The following EIF4G2 variants were observed in gnomAD, a reference collection of about 807,000 sequenced individuals.
EIF4G2 encodes the protein eukaryotic translation initiation factor 4 gamma 2, also known as DAP-5.
Under a neutral mutation model 117.7 loss-of-function variants are expected in EIF4G2, and 8 were observed. The ratio of observed to expected loss-of-function variants is 0.07; its 90% CI spans 0.04 to 0.12. The LOEUF is 0.12. EIF4G2 is among the 10% of genes least tolerant of loss of function. The pLI is 1.00. For synonymous variants in EIF4G2, 413 were observed against 367.8 expected (o/e 1.12, Z -1.41); for missense variants, 812 against 1,086.2 (o/e 0.75, Z 3.55).
chr11:10,808,185 G>A (rs963154863), intron 1 of EIF4G2: 66 of 1,117,738 alleles, frequency 5.9e-5, no homozygotes, highest in Non-Finnish European at 7.1e-5. Context: ...GCCTCGCCAC[G>A]GCCTCCTCTG....
rs1339629469 is a variant in EIF4G2 at position 10,803,448 on chromosome 11, A to G, written c.813+32T>C. On this transcript the variant is annotated intron_variant, in intron 9 of 21. Coordinates refer to ENST00000339995, the MANE Select transcript of EIF4G2 (RefSeq NM_001418.4). The surrounding 1 kb of genome is among the most constrained non-coding windows in gnomAD (Gnocchi z 4.0). The stretch of plus-strand genomic sequence containing the variant: ...CAATAGCTTGATTTAAAGACAAACT[A>G]CTTGTACTACTTTCATCAGCTACAC... 6.3e-7 allele frequency: 1 copy of G among 1,593,440 alleles called. No homozygotes were observed. The highest frequency in any genetic ancestry group is 1.3e-5 in the African/African-American group (1 of 74,454).
At chr11:10,807,803 T>C (rs1415581581) in intron 1 of EIF4G2, 3 of 989,526 alleles carry the variant, frequency 3.0e-6, no homozygotes, top group Non-Finnish European at 3.6e-6. Context: ...AGTTTTCCCC[T>C]GTCCACCCTT....
At chr11:10,805,069 T>C (rs1226011109) in intron 4 of EIF4G2, 54 bp from the exon 5 acceptor site, 9 of 1,367,024 alleles carry the variant, frequency 6.6e-6, no homozygotes, top group Non-Finnish European at 2.1e-6. Flanking sequence ...GAATTTGAAT[T>C]GAAAAACTGC....
At position 10,803,330 on chromosome 11, in the gene EIF4G2, A is replaced by G; in HGVS notation, c.814-36T>C. ...AAGAATACATTCATTGGAAGAGCTAAAGCAAATGTGTTCAATTTACAGCTT... is the reference window on the plus strand; with the variant it reads ...AAGAATACATTCATTGGAAGAGCTAGAGCAAATGTGTTCAATTTACAGCTT... On this transcript the variant is annotated intron_variant, in intron 9 of 21. Coordinates refer to ENST00000339995, the MANE Select transcript of EIF4G2 (RefSeq NM_001418.4). This position sits in a 1 kb window ranked among gnomAD's most constrained non-coding sequence, Gnocchi z 4.0. The G allele has an allele frequency of 6.2e-7, 1 of 1,604,612 alleles. No individual in the cohort carries two copies. Among genetic ancestry groups the G allele is most frequent in the Non-Finnish European group, 8.5e-7 (1 of 1,174,518 alleles).
At position 10,803,617 on chromosome 11, in the gene EIF4G2, A is replaced by T. The variant is rs376221635; in HGVS notation, c.703-27T>A. ...TACAAGAATAAAAGGCCATGGTGAC[A>T]AAGTTTTAGTTACTCTGGTTTAGGC... On this transcript the variant is annotated intron_variant, in intron 8 of 21. Coordinates refer to ENST00000339995, the MANE Select transcript of EIF4G2 (RefSeq NM_001418.4). The surrounding 1 kb of genome is among the most constrained non-coding windows in gnomAD (Gnocchi z 4.0). 2.3e-4 allele frequency: 357 copies of T among 1,585,098 alleles called. No homozygotes were observed. In the Middle Eastern group the frequency reaches 3.8e-3, roughly 17 times the overall value.
chr11:10,799,477 AGACAACTCTTAGTCTCCTAC>A, intron 19 of EIF4G2, 53 bp from the exon 20 acceptor site: 1 of 1,610,506 alleles, frequency 6.2e-7, no homozygotes, highest in Non-Finnish European at 8.5e-7. Context: ...CTTGCTCAAG[AGACAACTCTTAGTCTCCTAC>A]GCTTCTTTTC....
Position 10,800,734 on chromosome 11 carries a change from T to C in EIF4G2, c.1641A>G (p.Leu547=). 6.2e-7 allele frequency: 1 copy of C among 1,614,202 alleles called. No individual in the cohort carries two copies. Among genetic ancestry groups the C allele is most frequent in the South Asian group, 1.1e-5 (1 of 91,082 alleles). Residue 547 remains leucine, a synonymous_variant, in exon 16 of 22, where the codon CTA becomes CTG. Transcript: ENST00000339995. ...AAATGGGATATTTGAAACTTACAGT[T>C]AGTTTAAGGAGTTCTTCCTTTGACG... is the stretch of plus-strand genomic sequence containing the variant.
Position 10,800,458 on chromosome 11 carries a change from T to C in EIF4G2, c.1834A>G (p.Ile612Val). ...TGCATGAAGTTGTCACTTGTGGCTA[T>C]CCCTTCCTGTTTGAGTAAACTGATC... The change falls in exon 17 of 22, where the codon ATA (isoleucine) becomes GTA (valine). Residue 612 changes from isoleucine (I) to valine (V), a missense_variant. Ile to Val is a conservative substitution (Grantham distance 29, BLOSUM62 3). This residue lies in a region of EIF4G2 where 571 missense variants were observed against 642.3 expected (regional missense o/e 0.89). Coordinates refer to ENST00000339995, the MANE Select transcript of EIF4G2 (RefSeq NM_001418.4). 6.2e-7 allele frequency: 1 copy of C among 1,614,218 alleles called. No homozygotes were observed. The highest frequency in any genetic ancestry group is 8.5e-7 in the Non-Finnish European group (1 of 1,180,026).
chr11:10,802,508 TA>T (rs1218190590), intron 11 of EIF4G2, 73 bp from the exon 12 acceptor site: 135 of 1,456,992 alleles, frequency 9.3e-5, no homozygotes, highest in Middle Eastern at 2.1e-4. Context: ...TTCTTGCAAC[TA>T]GGGGGGGAAA....
chr11:10,799,146 A>G lies in EIF4G2; in HGVS notation c.2537-33T>C, dbSNP rs956968552. 6 of 1,584,962 alleles carry G rather than the reference A, an allele frequency of 3.8e-6. No homozygotes were observed. The African/African-American group carries it at 8.2e-5, about 22-fold the overall frequency. ...AAAAAAAAAAAAAGAAAAAAGTAAT[A>G]AGCCCATTATTTAGTGTTCTGTTTA... On this transcript the variant is annotated intron_variant, in intron 20 of 21. Coordinates refer to ENST00000339995, the MANE Select transcript of EIF4G2 (RefSeq NM_001418.4).
intron 11 of EIF4G2, 51 bp from the exon 12 acceptor site, chr11:10,802,486 T>C (rs1847450173): frequency 6.7e-7 from 1 of 1,485,418 alleles, no homozygotes; most frequent in Non-Finnish European, 8.9e-7. Flanking sequence ...ACTATTTCAC[T>C]TAAAACTAAA....
rs191776533 is a variant in EIF4G2, at chr11:10,797,251, A to C, written c.*565T>G. The stretch of plus-strand genomic sequence containing the variant: ...AAAACTGATCAGTTTTGTGCAAGTA[A>C]ACCATGTTTCTTTTAAAAAGACTTG... On this transcript the variant is annotated 3_prime_UTR_variant, in exon 22 of 22. Transcript: ENST00000339995. This position sits in a 1 kb window ranked among gnomAD's most constrained non-coding sequence, Gnocchi z 4.5. 9.0e-4 allele frequency: 138 copies of C among 153,230 alleles called. No homozygotes were observed. The highest frequency in any genetic ancestry group is 1.4e-3 in the Non-Finnish European group (98 of 68,426). 9.5% of individuals were successfully genotyped at this position (153,230 alleles called of 1,614,324 possible). A position where few individuals can be genotyped will look rare whatever the true frequency, so the allele number is the denominator to read the frequency against.
intron 1 of EIF4G2, 120 bp downstream of exon 1, chr11:10,808,585 A>T: frequency 2.2e-6 from 2 of 908,622 alleles, no homozygotes; most frequent in Non-Finnish European, 2.8e-6. Flanking sequence ...AAATGCTAAA[A>T]AAGGGTCGCC....
chr11:10,800,705 A>G, intron 16 of EIF4G2, 26 bp downstream of exon 16: 1 of 1,614,042 alleles, frequency 6.2e-7, no homozygotes, highest in Non-Finnish European at 8.5e-7. Context: ...GGCTAATTAC[A>G]CTAAAATGGG....
At position 10,799,766 on chromosome 11, in the gene EIF4G2, C is replaced by G. The variant is rs770840608; in HGVS notation, c.2120-10G>C. The stretch of plus-strand genomic sequence containing the variant: ...TTATTCTGATCAATTTCTGAAGAGA[C>G]AAAGCCACCTGCATCATCTAATAGT... On this transcript the variant is annotated splice_polypyrimidine_tract_variant and intron_variant, in intron 18 of 21. Transcript: ENST00000339995. 63 of 1,609,602 alleles carry G rather than the reference C, an allele frequency of 3.9e-5. No homozygotes were observed. The highest frequency in any genetic ancestry group is 1.0e-4 in the Admixed American group (6 of 59,260).
chr11:10,799,515 T>C (rs1847359849), intron 19 of EIF4G2, 37 bp downstream of exon 19: 4 of 1,610,054 alleles, frequency 2.5e-6, no homozygotes, highest in Non-Finnish European at 3.4e-6. Flanking sequence ...TTCCAGTACA[T>C]GAAACATTAC....
intron 1 of EIF4G2, chr11:10,807,904 A>T (rs766621515): frequency 4.0e-6 from 4 of 1,011,986 alleles, no homozygotes; most frequent in Non-Finnish European, 4.7e-6. Flanking sequence ...GACCAGGGCC[A>T]CAACATGGCA....
chr11:10,804,098 A>C (rs764502232), intron 7 of EIF4G2, 39 bp downstream of exon 7: 15 of 1,612,764 alleles, frequency 9.3e-6, no homozygotes, highest in African/African-American at 1.3e-5. Flanking sequence ...ATTAAGCTGA[A>C]AATATACAGT....
rs753933299 is a variant in EIF4G2 at position 10,803,291 on chromosome 11, A to G, written c.817T>C (p.Leu273=). Residue 273 remains leucine (L), a synonymous_variant, in exon 10 of 22, where the codon TTA becomes CTA. Transcript: ENST00000339995. The surrounding 1 kb of genome is among the most constrained non-coding windows in gnomAD (Gnocchi z 4.0). ...ATTCGGGCAAAGTACTGATCCATTA[A>G]GGACTGATAAGAGAAGAATACATTC... 1.9e-6 allele frequency: 3 copies of G among 1,613,260 alleles called. No homozygotes were observed. Among genetic ancestry groups the G allele is most frequent in the Non-Finnish European group, 2.5e-6 (3 of 1,179,728 alleles).
Sources: allele counts gnomAD v4.1 joint callset, GRCh38; gene constraint gnomAD v4.1.1; regional missense constraint gnomAD v4.1.1; non-coding constraint Gnocchi (gnomAD v3.1); transcripts MANE v1.5; gene names NCBI Gene and HGNC (gene_info 2026-07-23, HGNC 2026-07-21).